Variants in DPP10 observed in about 807,000 individuals in gnomAD.
The protein encoded by DPP10 is inactive dipeptidyl peptidase 10.
In DPP10, 33 loss-of-function variants were observed where a neutral mutation model predicts 120.9. The ratio of observed to expected loss-of-function variants is 0.27; its 90% CI spans 0.21 to 0.37. The LOEUF is 0.37. DPP10 is among the 10% of genes least tolerant of loss of function. The probability of loss-of-function intolerance (pLI) is 1.00; values close to 1 mark genes in which losing one functional copy is unlikely to be tolerated. For missense variants in DPP10, 816 were observed against 942.8 expected (o/e 0.87, Z 1.76); for synonymous variants, 337 against 326.1 (o/e 1.03, Z -0.36).
intron 1 of DPP10, among the ~76,000 whole-genome samples, chr2:115,231,512 T>A (rs1035406421): frequency 1.3e-5 from 2 of 152,156 alleles, no homozygotes; most frequent in Non-Finnish European, 2.9e-5. Flanking sequence ...TTAGAAGTCA[T>A]CTTAGTCCAA....
chr2:115,163,312 G>A (rs1202682749), intron 1 of DPP10, among the ~76,000 whole-genome samples: 1 of 152,148 alleles, frequency 6.6e-6, no homozygotes, highest in African/African-American at 2.4e-5. Context: ...CATCTCTCCT[G>A]GCTTGCGGTT....
chr2:114,957,001 A>G (rs1698261016), intron 1 of DPP10, among the ~76,000 whole-genome samples: 1 of 151,004 alleles, frequency 6.6e-6, no homozygotes, highest in African/African-American at 2.4e-5. Context: ...AAAAAAAAAA[A>G]GAGAAAACTG....
intron 1 of DPP10, among the ~76,000 whole-genome samples, chr2:114,522,987 A>C (rs1282914124): frequency 1.3e-5 from 2 of 152,176 alleles, no homozygotes; most frequent in Non-Finnish European, 2.9e-5. Flanking sequence ...TTTCAAGATG[A>C]GATTTGAGTA....
At chr2:115,351,414 T>C (rs2064026263) in intron 3 of DPP10, among the ~76,000 whole-genome samples, 1 of 152,052 alleles carries the variant, frequency 6.6e-6, no homozygotes, top group Non-Finnish European at 1.5e-5. Flanking sequence ...AAACTTCCTT[T>C]TGGGTACTAC....
rs556844646 is a variant in DPP10 at position 115,151,668 on chromosome 2, A to G, written c.61-157571A>G. 2.6e-4 allele frequency among the ~76,000 whole-genome samples: 40 copies of G among 151,386 alleles called. 1 individual carries two copies. The South Asian group carries it at 4.6e-3, about 17-fold the overall frequency. On this transcript the variant is annotated intron_variant, in intron 1 of 25. Coordinates refer to ENST00000410059, the MANE Select transcript of DPP10 (RefSeq NM_020868.6). ...GTGATCCACCCGCCTCGGCTTCCCA[A>G]AGTACTGGGATTACAGGCGTGAGCC... is the stretch of plus-strand genomic sequence containing the variant.
At chr2:115,075,253 G>T (rs1184025923) in intron 1 of DPP10, among the ~76,000 whole-genome samples, 1 of 152,218 alleles carries the variant, frequency 6.6e-6, no homozygotes, top group South Asian at 2.1e-4. Flanking sequence ...TTTCTTAGAA[G>T]TTGTTTAGAA....
At chr2:115,188,479 CTA>C (rs1396288821) in intron 1 of DPP10, among the ~76,000 whole-genome samples, 1 of 152,020 alleles carries the variant, frequency 6.6e-6, no homozygotes, top group Non-Finnish European at 1.5e-5. Context: ...AATTTTAAGC[CTA>C]TAGAGATATT....
At chr2:115,142,115 T>C (rs2050959855) in intron 1 of DPP10, among the ~76,000 whole-genome samples, 1 of 152,128 alleles carries the variant, frequency 6.6e-6, no homozygotes, top group African/African-American at 2.4e-5. Flanking sequence ...AAGATACAGT[T>C]CTTGTTCTTG....
chr2:115,407,308 C>G (rs977390518), intron 3 of DPP10, among the ~76,000 whole-genome samples: 1 of 152,148 alleles, frequency 6.6e-6, no homozygotes, highest in Non-Finnish European at 1.5e-5. Flanking sequence ...CCAGGGGACC[C>G]TTGGCTGCCT....
intron 1 of DPP10, among the ~76,000 whole-genome samples, chr2:115,192,379 T>C (rs2054944900): frequency 6.6e-6 from 1 of 152,234 alleles, no homozygotes; most frequent in Non-Finnish European, 1.5e-5. Flanking sequence ...AGGGGTAATC[T>C]TTTACTAAGC....
At chr2:115,543,044 T>A (rs1396265189) in intron 5 of DPP10, among the ~76,000 whole-genome samples, 1 of 152,010 alleles carries the variant, frequency 6.6e-6, no homozygotes, top group Non-Finnish European at 1.5e-5. Context: ...AAGCATATAT[T>A]CTATTACTTT....
chr2:114,756,277 T>A (rs962059886), intron 1 of DPP10, among the ~76,000 whole-genome samples: 6 of 152,138 alleles, frequency 3.9e-5, no homozygotes, highest in African/African-American at 1.4e-4. Context: ...GTGTGTGCAG[T>A]CAGAAAAAGG....
intron 1 of DPP10, among the ~76,000 whole-genome samples, chr2:115,240,247 C>T (rs1166716685): frequency 6.6e-6 from 1 of 152,200 alleles, no homozygotes; most frequent in Non-Finnish European, 1.5e-5. Flanking sequence ...TGTTTCTCCA[C>T]ATCCTCTCCA....
intron 1 of DPP10, among the ~76,000 whole-genome samples, chr2:114,998,244 T>A (rs1429017982): frequency 6.6e-6 from 1 of 152,212 alleles, no homozygotes; most frequent in Non-Finnish European, 1.5e-5. Context: ...TGAATAAGTA[T>A]GTTAAAGGAC....
chr2:115,597,065 G>A (rs2083033303), intron 5 of DPP10, among the ~76,000 whole-genome samples: 1 of 152,156 alleles, frequency 6.6e-6, no homozygotes, highest in South Asian at 2.1e-4. Flanking sequence ...ACAGCTGGAA[G>A]TAAAACGCAT....
chr2:114,847,121 G>T (rs1558804303), intron 1 of DPP10, among the ~76,000 whole-genome samples: 2 of 152,070 alleles, frequency 1.3e-5, no homozygotes, highest in East Asian at 3.9e-4. Context: ...GGATCCTCCG[G>T]CCTCAGCCAA....
intron 1 of DPP10, among the ~76,000 whole-genome samples, chr2:115,143,288 C>T (rs1368924069): frequency 6.6e-6 from 1 of 152,146 alleles, no homozygotes; most frequent in Non-Finnish European, 1.5e-5. Flanking sequence ...ATTGGTAGCC[C>T]ATGGCTGGAC....
chr2:115,199,345 A>C (rs1411100603), intron 1 of DPP10, among the ~76,000 whole-genome samples: 1 of 152,036 alleles, frequency 6.6e-6, no homozygotes, highest in African/African-American at 2.4e-5. Flanking sequence ...TAGTATATGT[A>C]GTGTAGAGAC....
chr2:115,063,064 C>T lies in DPP10; in HGVS notation c.61-246175C>T, dbSNP rs567085253. ...CTCCCCAGCATCTGTTGTTTCTTGACTTTTTAATAATCACTATTTTGACTG... is the reference window on the plus strand; with the variant it reads ...CTCCCCAGCATCTGTTGTTTCTTGATTTTTTAATAATCACTATTTTGACTG... On this transcript the variant is annotated intron_variant, in intron 1 of 25. Transcript: ENST00000410059. Among the ~76,000 whole-genome samples, 40 of 152,246 alleles carry T rather than the reference C, an allele frequency of 2.6e-4. No homozygotes were observed. In the South Asian group the frequency reaches 7.9e-3, roughly 30 times the overall value.
Sources: gnomAD v4.1 joint callset for allele counts (sites outside exome capture counted in the v4.1 genomes callset) on GRCh38, gnomAD v4.1.1 for gene constraint, MANE v1.5 for transcripts, NCBI Gene and HGNC (gene_info 2026-07-23, HGNC 2026-07-21) for gene names.